KCNA2: variants seen among roughly 807,000 people sequenced by gnomAD.
KCNA2 encodes the protein potassium voltage-gated channel subfamily A member 2, also known as potassium channel, voltage gated shaker related subfamily A, member 2.
In KCNA2, 11 loss-of-function variants were observed where a neutral mutation model predicts 33.4. That is an observed-to-expected ratio of 0.33 (90% CI 0.21 to 0.55). The LOEUF is 0.55. KCNA2 is among the 20% of genes least tolerant of loss of function. The pLI is 0.93. For missense variants in KCNA2, 291 were observed against 621.6 expected, an observed-to-expected ratio of 0.47 and a Z score of 5.66; for synonymous variants, 222 against 231.3, an observed-to-expected ratio of 0.96 and a Z score of 0.37.
intron 1 of KCNA2, among the ~76,000 whole-genome samples, chr1:110,627,233 C>T (rs1650419753): frequency 6.6e-6 from 1 of 152,166 alleles, no homozygotes; most frequent in Non-Finnish European, 1.5e-5. Flanking sequence ...TCTATGGAAG[C>T]TTTAAGTTAA....
Position 110,596,034 on chromosome 1 carries a change from C to T in KCNA2, c.*7249G>A. 1 of 985,404 alleles carries T rather than the reference C, an allele frequency of 1.0e-6. No homozygotes were observed. Among genetic ancestry groups the T allele is most frequent in the Non-Finnish European group, 1.2e-6 (1 of 829,930 alleles). 61.0% of individuals were successfully genotyped at this position (985,404 alleles called of 1,614,324 possible). A position where few individuals can be genotyped will look rare whatever the true frequency, so the allele number is the denominator to read the frequency against. ...ACAGAAGAAAGGCTAAAGCACCTGG[C>T]TGTTAGATCAGACTTCCCTTTTATC... is the stretch of plus-strand genomic sequence containing the variant. On this transcript the variant is annotated 3_prime_UTR_variant, in exon 3 of 3. Transcript: ENST00000316361.
At chr1:110,610,217 A>G (rs1649821756), upstream of KCNA2, among the ~76,000 whole-genome samples, 1 of 152,206 alleles carries the variant, frequency 6.6e-6, no homozygotes, top group South Asian at 2.1e-4. Context: ...GTGACTGGTG[A>G]CTACAGTCAT....
chr1:110,602,406 T>C lies in KCNA2; in HGVS notation c.*877A>G, dbSNP rs1649401438. On this transcript the variant is annotated 3_prime_UTR_variant, in exon 3 of 3. Coordinates refer to ENST00000316361, the MANE Select transcript of KCNA2 (RefSeq NM_004974.4). ...TTGAGATTCATGCAACAAACACCCA[T>C]GCAGCTCTATTGCATCACTGGTAAA... 5.1e-6 allele frequency: 7 copies of C among 1,371,584 alleles called. No individual in the cohort carries two copies. Among genetic ancestry groups the C allele is most frequent in the Non-Finnish European group, 6.6e-6 (7 of 1,064,868 alleles). 85.0% of individuals were successfully genotyped at this position (1,371,584 alleles called of 1,614,324 possible).
rs1024366905 is a variant in KCNA2 at position 110,593,676 on chromosome 1, T to C, written c.*9607A>G. 2.5e-5 allele frequency: 10 copies of C among 402,388 alleles called. No individual in the cohort carries two copies. Among genetic ancestry groups the C allele is most frequent in the Non-Finnish European group, 3.5e-5 (8 of 229,618 alleles). 24.9% of individuals were successfully genotyped at this position (402,388 alleles called of 1,614,324 possible). ...TTATATACTTATTTACTTGTGTCAA[T>C]ATTTACAAAAGACTGTGGAGCTCTA... On this transcript the variant is annotated 3_prime_UTR_variant, in exon 3 of 3. Coordinates refer to ENST00000316361, the MANE Select transcript of KCNA2 (RefSeq NM_004974.4).
At chr1:110,611,532 C>A (rs1649872630) in intron 1 of KCNA2, among the ~76,000 whole-genome samples, 1 of 152,160 alleles carries the variant, frequency 6.6e-6, no homozygotes, top group Admixed American at 6.5e-5. Context: ...AATTCAATAT[C>A]AGCCTAGGCA....
intron 1 of KCNA2, among the ~76,000 whole-genome samples, chr1:110,611,726 G>GA (rs11378342): frequency 0.27 from 36,421 of 137,290 alleles, 4,633 homozygotes; most frequent in Middle Eastern, 0.32. Flanking sequence ...ATCCTGTCTT[G>GA]AAAAAAAAAA....
chr1:110,607,856 G>A (rs1358461130), upstream of KCNA2: 1 of 152,498 alleles, frequency 6.6e-6, no homozygotes, highest in Non-Finnish European at 1.5e-5. Context: ...CCCTTCTCCA[G>A]ATCGGCTTCC....
rs1416477664 is a variant in KCNA2 at position 110,596,177 on chromosome 1, C to T, written c.*7106G>A. 2 of 984,896 alleles carry T rather than the reference C, an allele frequency of 2.0e-6. No homozygotes were observed. The highest frequency in any genetic ancestry group is 3.5e-5 in the African/African-American group (2 of 57,118). 61.0% of individuals were successfully genotyped at this position (984,896 alleles called of 1,614,324 possible). On this transcript the variant is annotated 3_prime_UTR_variant, in exon 3 of 3. Transcript: ENST00000316361. ...CTAAGCAGAAAAAAAAAGAGTAGAA[C>T]TGGAGAGGTGAAAAGAATGCAAAGG...
chr1:110,614,220 T>C (rs1211650220), intron 1 of KCNA2, among the ~76,000 whole-genome samples: 1 of 152,226 alleles, frequency 6.6e-6, no homozygotes, highest in Non-Finnish European at 1.5e-5. Context: ...CTTCCTTATA[T>C]GCTGTGGCTT....
At position 110,594,132 on chromosome 1, in the gene KCNA2, T is replaced by G; in HGVS notation, c.*9151A>C. On this transcript the variant is annotated 3_prime_UTR_variant, in exon 3 of 3. Coordinates refer to ENST00000316361, the MANE Select transcript of KCNA2 (RefSeq NM_004974.4). ...TGCTATTGATCCCAAGGAGGCTTAT[T>G]TATCTACCTCTTTGAGTTTTCAGCA... is the stretch of plus-strand genomic sequence containing the variant. 1 of 1,372,362 alleles carries G rather than the reference T, an allele frequency of 7.3e-7. No individual in the cohort carries two copies. The allele number at this position is 1,372,362 out of a possible 1,614,324, so 85.0% of individuals were successfully genotyped here. A position where few individuals can be genotyped will look rare whatever the true frequency, so the allele number is the denominator to read the frequency against.
intron 1 of KCNA2, among the ~76,000 whole-genome samples, chr1:110,620,748 A>G (rs149474739): frequency 4.6e-5 from 7 of 152,266 alleles, no homozygotes; most frequent in African/African-American, 1.7e-4. Context: ...TTTGTTCATT[A>G]TCACTGAAAG....
intron 1 of KCNA2, among the ~76,000 whole-genome samples, chr1:110,631,200 G>C (rs1408381232): frequency 1.3e-5 from 2 of 152,210 alleles, no homozygotes; most frequent in South Asian, 2.1e-4. Flanking sequence ...TGATCCCCGG[G>C]TTGCTTTTCA....
upstream of KCNA2, among the ~76,000 whole-genome samples, chr1:110,611,015 AATG>A (rs1570759582): frequency 6.7e-6 from 1 of 149,106 alleles, no homozygotes; most frequent in East Asian, 2.0e-4. Flanking sequence ...TTAAAGACAG[AATG>A]AGGAAGGAAG....
Position 110,594,966 on chromosome 1 carries a change from T to C in KCNA2, c.*8317A>G. ...TGAATATTCTCTTCCTCCCAGCTCC[T>C]CCTATTGCTTTCTCTAGCAGCCCAG... On this transcript the variant is annotated 3_prime_UTR_variant, in exon 3 of 3. Coordinates refer to ENST00000316361, the MANE Select transcript of KCNA2 (RefSeq NM_004974.4). 2.0e-6 allele frequency: 2 copies of C among 985,416 alleles called. No individual in the cohort carries two copies. Among genetic ancestry groups the C allele is most frequent in the Admixed American group, 6.1e-5 (1 of 16,276 alleles). 61.0% of individuals were successfully genotyped at this position (985,416 alleles called of 1,614,324 possible).
In KCNA2 at chr1:110,602,056, T is replaced by C; in HGVS notation, c.*1227A>G. On this transcript the variant is annotated 3_prime_UTR_variant, in exon 3 of 3. Coordinates refer to ENST00000316361, the MANE Select transcript of KCNA2 (RefSeq NM_004974.4). ...TGCCTGTCATCAGGACCAGATGCCC[T>C]GGTCCACTGTACAGTCATGCCCGCG... The C allele has an allele frequency of 1.3e-6, 2 of 1,550,548 alleles. No homozygotes were observed. Among genetic ancestry groups the C allele is most frequent in the East Asian group, 2.4e-5 (1 of 40,916 alleles).
Position 110,595,204 on chromosome 1 carries a change from C to A in KCNA2, c.*8079G>T. Reference sequence around the variant, plus strand: ...TGTCCACATTATTACATAATCATGCCCTGTGCATCCATCAGTGGAATGATG... The same window carrying A: ...TGTCCACATTATTACATAATCATGCACTGTGCATCCATCAGTGGAATGATG... On this transcript the variant is annotated 3_prime_UTR_variant, in exon 3 of 3. Coordinates refer to ENST00000316361, the MANE Select transcript of KCNA2 (RefSeq NM_004974.4). The A allele has an allele frequency of 1.0e-6, 1 of 985,376 alleles. No homozygotes were observed. The highest frequency in any genetic ancestry group is 1.2e-6 in the Non-Finnish European group (1 of 829,932). The allele number at this position is 985,376 out of a possible 1,614,324, so 61.0% of individuals were successfully genotyped here.
Position 110,604,163 on chromosome 1 carries a change from T to C in KCNA2, c.620A>G (p.Asn207Ser). 1 of 1,614,192 alleles carries C rather than the reference T, an allele frequency of 6.2e-7. No individual in the cohort carries two copies. Among genetic ancestry groups the C allele is most frequent in the Non-Finnish European group, 8.5e-7 (1 of 1,180,034 alleles). The change falls in exon 3 of 3, where the codon AAC becomes AGC. Residue 207 changes from asparagine (N) to serine (S), a missense_variant. Asn to Ser is a conservative substitution (Grantham distance 46). Around this residue, in one of 5 missense-constraint regions of KCNA2, gnomAD observed 163 missense variants for 273.5 expected, o/e 0.60. Coordinates refer to ENST00000316361, the MANE Select transcript of KCNA2 (RefSeq NM_004974.4). The surrounding 1 kb of genome is among the most constrained non-coding windows in gnomAD (Gnocchi z 7.6). ...GSGVTFHTYS[N>S]STIGYQQSTS... ...GGACTGCTGGTACCCGATGGTGCTG[T>C]TGGAATAGGTGTGGAAGGTCACCCC...
intron 1 of KCNA2, among the ~76,000 whole-genome samples, chr1:110,620,188 C>T (rs930460095): frequency 4.6e-5 from 7 of 152,176 alleles, no homozygotes; most frequent in South Asian, 2.1e-4. Flanking sequence ...ACATCCCGGC[C>T]TCTCCTTTCA....
upstream of KCNA2, among the ~76,000 whole-genome samples, chr1:110,610,093 T>C (rs1029421267): frequency 1.3e-5 from 2 of 152,358 alleles, no homozygotes; most frequent in South Asian, 4.1e-4. Flanking sequence ...ATCCTTTCCC[T>C]GGGGCATGGT....
Sources: gnomAD v4.1 joint callset for allele counts (sites outside exome capture counted in the v4.1 genomes callset) on GRCh38, gnomAD v4.1.1 for gene constraint, gnomAD v4.1.1 regional missense constraint, Gnocchi (gnomAD v3.1) non-coding constraint, MANE v1.5 for transcripts, NCBI Gene and HGNC (gene_info 2026-07-23, HGNC 2026-07-21) for gene names.